RABEP1: variants seen among roughly 807,000 people sequenced by gnomAD.
RABEP1 encodes the protein rabaptin, RAB GTPase binding effector protein 1.
RABEP1 carries 51 observed loss-of-function variants against 123.4 expected under a neutral mutation model. The observed-to-expected ratio is 0.41, with a 90% CI of 0.33 to 0.52. The LOEUF (loss-of-function observed/expected upper bound fraction) is 0.52, where lower values mean the gene tolerates loss of function less well. Among genes scored for constraint, RABEP1 ranks in the 20% least tolerant of loss-of-function variants. The pLI is 0.16. For synonymous variants in RABEP1, 347 were observed against 355.2 expected, an observed-to-expected ratio of 0.98 and a Z score of 0.26; for missense variants, 888 against 996.3, an observed-to-expected ratio of 0.89 and a Z score of 1.46.
chr17:5,362,895 AT>A lies in RABEP1; in HGVS notation c.1564-13del. 6.4e-7 allele frequency: 1 copy of A among 1,560,252 alleles called. No individual in the cohort carries two copies. Among genetic ancestry groups the A allele is most frequent in the Non-Finnish European group, 8.8e-7 (1 of 1,130,978 alleles). On this transcript the variant is annotated splice_polypyrimidine_tract_variant and intron_variant, in intron 9 of 17. Transcript: ENST00000537505. Reference sequence around the variant, plus strand: ...GAATTGTTTTGCCTGATAAGAGGTAATTTTGGTGCCCTTCAGGTACATAATG... The same window carrying A: ...GAATTGTTTTGCCTGATAAGAGGTAATTTGGTGCCCTTCAGGTACATAATG...
At chr17:5,284,534 T>A (rs1306674204) in intron 1 of RABEP1, among the ~76,000 whole-genome samples, 1 of 152,020 alleles carries the variant, frequency 6.6e-6, no homozygotes, top group Non-Finnish European at 1.5e-5. Flanking sequence ...GGCGCGATCT[T>A]GGCTCACTGC....
intron 2 of RABEP1, among the ~76,000 whole-genome samples, chr17:5,309,597 G>A (rs2075215317): frequency 6.6e-6 from 1 of 150,816 alleles, no homozygotes; most frequent in Non-Finnish European, 1.5e-5. Context: ...ACGTTGAGGT[G>A]AGCTGAGATT....
At chr17:5,302,591 CTT>C (rs546960637) in intron 1 of RABEP1, among the ~76,000 whole-genome samples, 11,046 of 122,998 alleles carry the variant, frequency 0.09, 846 homozygotes, top group East Asian at 0.43. Flanking sequence ...ATTTTTTAGA[CTT>C]TTTTTTTTTT....
intron 2 of RABEP1, among the ~76,000 whole-genome samples, chr17:5,316,134 A>T (rs898805002): frequency 7.2e-5 from 11 of 152,218 alleles, no homozygotes; most frequent in African/African-American, 2.7e-4. Context: ...CTAAGCACTT[A>T]GCCATCTACA....
At chr17:5,310,241 A>C (rs1352940794) in intron 2 of RABEP1, among the ~76,000 whole-genome samples, 1 of 151,888 alleles carries the variant, frequency 6.6e-6, no homozygotes, top group African/African-American at 2.4e-5. Context: ...TTTGCTTGAA[A>C]AGATGTGAAG....
rs773164762 is a variant in RABEP1 at position 5,332,166 on chromosome 17, A to G, written c.367+14A>G. ...CTGTTATGAAAGGTAAAGACAGAGA[A>G]AGATCAATTTTGTGATTTTCTAAGA... On this transcript the variant is annotated intron_variant, in intron 3 of 17. Coordinates refer to ENST00000537505, the MANE Select transcript of RABEP1 (RefSeq NM_004703.6). 2.5e-6 allele frequency: 4 copies of G among 1,608,448 alleles called. No individual in the cohort carries two copies. Among genetic ancestry groups the G allele is most frequent in the Admixed American group, 1.7e-5 (1 of 59,640 alleles).
chr17:5,309,845 G>A (rs369793147), intron 2 of RABEP1, among the ~76,000 whole-genome samples: 6 of 152,208 alleles, frequency 3.9e-5, no homozygotes, highest in Middle Eastern at 3.4e-3. Context: ...CATCATTATC[G>A]TCATCATCAC....
intron 4 of RABEP1, 27 bp downstream of exon 4, chr17:5,335,371 A>C (rs1906975781): frequency 1.3e-6 from 2 of 1,569,730 alleles, no homozygotes; most frequent in African/African-American, 1.4e-5. Context: ...TCATTTGTAG[A>C]AATATTTGAA....
intron 5 of RABEP1, among the ~76,000 whole-genome samples, chr17:5,341,352 A>G (rs1597370614): frequency 6.6e-6 from 1 of 152,364 alleles, no homozygotes; most frequent in Admixed American, 6.5e-5. Flanking sequence ...AATAAATTTG[A>G]AAACAGATGA....
intron 12 of RABEP1, among the ~76,000 whole-genome samples, chr17:5,371,838 T>G (rs536638592): frequency 1.3e-5 from 2 of 152,300 alleles, no homozygotes; most frequent in South Asian, 2.1e-4. Flanking sequence ...GTCTTTCTCC[T>G]CTATTGGACC....
intron 1 of RABEP1, among the ~76,000 whole-genome samples, chr17:5,289,173 C>A (rs2075008095): frequency 1.0e-4 from 1 of 9,608 alleles, no homozygotes; most frequent in Non-Finnish European, 2.2e-4. Context: ...TCTTCTTCTT[C>A]TTCCTCTTCC....
chr17:5,341,251 A>G (rs1367527867), intron 5 of RABEP1, among the ~76,000 whole-genome samples: 1 of 152,222 alleles, frequency 6.6e-6, no homozygotes, highest in African/African-American at 2.4e-5. Context: ...ACTGCACGCC[A>G]GCCTGGGCAA....
intron 2 of RABEP1, among the ~76,000 whole-genome samples, chr17:5,310,605 G>A (rs998002266): frequency 6.6e-6 from 1 of 151,912 alleles, no homozygotes; most frequent in Non-Finnish European, 1.5e-5. Context: ...ACCACGCCTG[G>A]CCAACTTCCT....
intron 2 of RABEP1, among the ~76,000 whole-genome samples, chr17:5,316,449 C>CAA (rs386385498): frequency 0.45 from 12,960 of 28,506 alleles, 5,632 homozygotes; most frequent in Non-Finnish European, 0.6. Flanking sequence ...GACTCTGTCT[C>CAA]AAAAAAAAAA....
At position 5,338,126 on chromosome 17, in the gene RABEP1, G is replaced by A; in HGVS notation, c.636G>A (p.Leu212=). The change falls in exon 5 of 18, where the codon CTG becomes CTA. Residue 212 remains leucine, a synonymous_variant. Coordinates refer to ENST00000537505, the MANE Select transcript of RABEP1 (RefSeq NM_004703.6). ...LTEAEDKIKE[L]EASKVKELNH... is the part of the protein sequence containing the mutation. ...AGGCTGAAGACAAAATTAAAGAGCT[G>A]GAGGCCTCAAAGGTTATGAAACATT... The A allele has an allele frequency of 6.2e-7, 1 of 1,612,846 alleles. No homozygotes were observed. The highest frequency in any genetic ancestry group is 8.5e-7 in the Non-Finnish European group (1 of 1,179,284).
At chr17:5,325,225 A>T (rs1428796164) in intron 2 of RABEP1, among the ~76,000 whole-genome samples, 2 of 152,082 alleles carry the variant, frequency 1.3e-5, no homozygotes, top group African/African-American at 4.8e-5. Context: ...AATCCCAGCT[A>T]CTTGGGAAGC....
chr17:5,344,090 AAG>A (rs1907858810), intron 5 of RABEP1, among the ~76,000 whole-genome samples: 1 of 152,176 alleles, frequency 6.6e-6, no homozygotes, highest in Non-Finnish European at 1.5e-5. Flanking sequence ...AAAAGTTGAA[AAG>A]AGAAGCTACA....
intron 13 of RABEP1, among the ~76,000 whole-genome samples, chr17:5,376,434 C>G (rs541485531): frequency 6.6e-6 from 1 of 152,242 alleles, no homozygotes; most frequent in East Asian, 1.9e-4. Context: ...ATTTTAAAAA[C>G]TGTTGTTTTA....
chr17:5,363,253 C>T (rs911170695), intron 10 of RABEP1, among the ~76,000 whole-genome samples: 4 of 148,580 alleles, frequency 2.7e-5, no homozygotes, highest in South Asian at 2.1e-4. Flanking sequence ...GAGGGGGTCT[C>T]GCTCTATTGC....
Sources: allele counts gnomAD v4.1 joint callset (sites outside exome capture counted in the v4.1 genomes callset), GRCh38; gene constraint gnomAD v4.1.1; transcripts MANE v1.5; gene names NCBI Gene and HGNC (gene_info 2026-07-23, HGNC 2026-07-21).